The following OR52E6 variants were observed in gnomAD, a reference collection of about 807,000 sequenced individuals.
OR52E6 encodes olfactory receptor 52E6.
For synonymous variants in OR52E6, 173 were observed against 137.3 expected, an observed-to-expected ratio of 1.26 and a Z score of -1.82; for missense variants, 419 against 381.5, an observed-to-expected ratio of 1.10 and a Z score of -0.82.
rs1459196727 is a variant in OR52E6 at position 5,841,807 on chromosome 11, A to C, written c.91T>G (p.Phe31Val). The C allele has an allele frequency of 2.5e-6, 4 of 1,613,802 alleles. No individual in the cohort carries two copies. The highest frequency in any genetic ancestry group is 2.2e-5 in the East Asian group (1 of 44,874). Residue 31 changes from phenylalanine (F) to valine (V), a missense_variant, in exon 1 of 1, where the codon TTC (phenylalanine) becomes GTC (valine). By Grantham distance (50) the Phe-to-Val change is conservative. Coordinates refer to ENST00000329322, the MANE Select transcript of OR52E6 (RefSeq NM_001005167.2). The part of the protein sequence containing the change: ...GLEDVHIWIG[F>V]PFFSVYLIAL... ...ATAAGATACACAGAGAAAAAAGGGA[A>C]TCCAATCCAGATGTGCACATCTTCT...
In OR52E6 at chr11:5,841,754, G is replaced by C. The variant is rs10769272; in HGVS notation, c.144C>G (p.Phe48Leu). Reference sequence around the variant, plus strand: ...GACTCTGCTCAGTTTGGATCACAAAGAAGATAGCAGCATTTCCCAGGAGTG... The same window carrying C: ...GACTCTGCTCAGTTTGGATCACAAACAAGATAGCAGCATTTCCCAGGAGTG... ...LIALLGNAAI[F>L]FVIQTEQSLH... The change falls in exon 1 of 1, where the codon TTC becomes TTG. Residue 48 changes from phenylalanine to leucine, a missense_variant. By Grantham distance (22) the Phe-to-Leu change is conservative. Transcript: ENST00000329322. 0.35 allele frequency: 569,621 copies of C among 1,611,002 alleles called. 101,855 individuals carry two copies. Among genetic ancestry groups the C allele is most frequent in the East Asian group, 0.47 (20,925 of 44,822 alleles).
In OR52E6 at chr11:5,841,281, G is replaced by A. The variant is rs1846608002; in HGVS notation, c.617C>T (p.Ser206Phe). The A allele has an allele frequency of 6.2e-7, 1 of 1,614,070 alleles. No individual in the cohort carries two copies. The highest frequency in any genetic ancestry group is 8.5e-7 in the Non-Finnish European group (1 of 1,180,022). ...VNIMFGLGSISLLLLDVLLII... is the reference protein window; with the variant it reads ...VNIMFGLGSIFLLLLDVLLII... The stretch of plus-strand genomic sequence containing the variant: ...AAGGAGCACATCCAATAACAAGAGA[G>A]AAATACTGCCAAGACCAAACATAAT... Residue 206 changes from serine to phenylalanine, a missense_variant, in exon 1 of 1, where the codon TCT (serine) becomes TTT (phenylalanine). Transcript: ENST00000329322.
Position 5,841,408 on chromosome 11 carries a change from G to A in OR52E6, c.490C>T (p.Leu164Phe). ...CCACAGAAGGGCAACCTTAAGAGGA[G>A]AAACACCAGTGGAATGACCATGTAC... is the stretch of plus-strand genomic sequence containing the variant. ...SLYMVIPLVF[L>F]LLRLPFCGHR... The change falls in exon 1 of 1, where the codon CTC (leucine) becomes TTC (phenylalanine). Residue 164 changes from leucine (L) to phenylalanine (F), a missense_variant. Leu to Phe is a conservative substitution (Grantham distance 22). Coordinates refer to ENST00000329322, the MANE Select transcript of OR52E6 (RefSeq NM_001005167.2). 6.2e-7 allele frequency: 1 copy of A among 1,614,206 alleles called. No homozygotes were observed. Among genetic ancestry groups the A allele is most frequent in the South Asian group, 1.1e-5 (1 of 91,088 alleles).
At position 5,841,493 on chromosome 11, in the gene OR52E6, G is replaced by A; in HGVS notation, c.405C>T (p.Thr135=). The change falls in exon 1 of 1, where the codon ACC becomes ACT. Residue 135 remains threonine, a synonymous_variant. Transcript: ENST00000329322. The part of the protein sequence containing the change: ...YIAICKPLWY[T]MILTSKIISL... ...TGATGATTTTGCTGGTGAGGATCAT[G>A]GTGTACCAAAGAGGTTTGCAAATGG... The A allele has an allele frequency of 6.2e-7, 1 of 1,614,106 alleles. No individual in the cohort carries two copies. Among genetic ancestry groups the A allele is most frequent in the East Asian group, 2.2e-5 (1 of 44,868 alleles).
chr11:5,841,055 A>T lies in OR52E6; in HGVS notation c.843T>A (p.Tyr281Ter), dbSNP rs749614301. ...GATTGAGGGTGGGAGGAACAACCAC[A>T]TATAGATTAGCCAAGAAAATGTGGA... ...QYIHIFLANL[Y>*]VVVPPTLNPV... Residue 281 changes from tyrosine (Y) to a stop codon, truncating the protein, a stop_gained, in exon 1 of 1, where the codon TAT becomes TAA. Coordinates refer to ENST00000329322, the MANE Select transcript of OR52E6 (RefSeq NM_001005167.2). LOFTEE classifies it low-confidence loss of function (END_TRUNC). The T allele has an allele frequency of 6.2e-7, 1 of 1,613,950 alleles. No individual in the cohort carries two copies. The highest frequency in any genetic ancestry group is 1.7e-5 in the Admixed American group (1 of 59,996).
rs368058371 is a variant in OR52E6 at position 5,841,605 on chromosome 11, C to A, written c.293G>T (p.Gly98Val). The change falls in exon 1 of 1, where the codon GGC (glycine) becomes GTC (valine). Residue 98 changes from glycine to valine, a missense_variant. Physicochemically the swap from Gly to Val is moderately radical, Grantham distance 109. Transcript: ENST00000329322. ...WFNIKEISFG[G>V]YLSQMFFIHF... ...GATGAAGAACATCTGAGAAAGGTAGCCTCCAAAAGATATTTCCTTGATATT... is the reference window on the plus strand; with the variant it reads ...GATGAAGAACATCTGAGAAAGGTAGACTCCAAAAGATATTTCCTTGATATT... 6.8e-6 allele frequency: 11 copies of A among 1,614,124 alleles called. 1 individual carries two copies. Among genetic ancestry groups the A allele is most frequent in the South Asian group, 6.6e-5 (6 of 91,086 alleles).
chr11:5,841,357 A>C lies in OR52E6; in HGVS notation c.541T>G (p.Cys181Gly). 1 of 1,614,170 alleles carries C rather than the reference A, an allele frequency of 6.2e-7. No homozygotes were observed. The highest frequency in any genetic ancestry group is 1.3e-5 in the African/African-American group (1 of 75,060). The change falls in exon 1 of 1, where the codon TGT (cysteine) becomes GGT (glycine). Residue 181 changes from cysteine to glycine, a missense_variant. Physicochemically the swap from Cys to Gly is radical, Grantham distance 159 (BLOSUM62 -3). Transcript: ENST00000329322. ...AGACGGGCAATGCCCATGTGCTCAC[A>C]GTAAGTATGAGGGATGATACGATGT... ...CGHRIIPHTY[C>G]EHMGIARLAC...
Position 5,841,148 on chromosome 11 carries a change from T to TGGTG in OR52E6, c.749_750insCACC (p.Leu250PhefsTer20). 6.2e-7 allele frequency: 1 copy of TGGTG among 1,613,732 alleles called. No homozygotes were observed. The highest frequency in any genetic ancestry group is 8.5e-7 in the Non-Finnish European group (1 of 1,179,874). The stretch of plus-strand genomic sequence containing the variant: ...AGAAAAATGCTGGTGTAGAAAAGGC[T>TGGTG]AAGATAACACCAATGTGAGAGCCAC... On this transcript the variant is annotated frameshift_variant, in exon 1 of 1. Coordinates refer to ENST00000329322, the MANE Select transcript of OR52E6 (RefSeq NM_001005167.2). LOFTEE classifies it low-confidence loss of function (END_TRUNC).
chr11:5,841,731 C>T lies in OR52E6; in HGVS notation c.167G>A (p.Ser56Asn), dbSNP rs755224921. 22 of 1,613,786 alleles carry T rather than the reference C, an allele frequency of 1.4e-5. 1 individual carries two copies. The South Asian group carries it at 2.3e-4, about 17-fold the overall frequency. The change falls in exon 1 of 1, where the codon AGT (serine) becomes AAT (asparagine). Residue 56 changes from serine to asparagine, a missense_variant. Ser to Asn is a conservative substitution (Grantham distance 46, BLOSUM62 1). Transcript: ENST00000329322. Reference protein sequence around the residue: ...AIFFVIQTEQSLHEPMYYCLA... With the variant: ...AIFFVIQTEQNLHEPMYYCLA... ...GCAGTAGTACATGGGCTCATGGAGA[C>T]TCTGCTCAGTTTGGATCACAAAGAA... is the stretch of plus-strand genomic sequence containing the variant.
At position 5,841,840 on chromosome 11, in the gene OR52E6, G is replaced by T. The variant is rs747793517; in HGVS notation, c.58C>A (p.Pro20Thr). ...CAGATGTGCACATCTTCTAGCCCTG[G>T]GATACCCAGCAGTAGGAATGAAGAA... ...HTSSFLLLGI[P>T]GLEDVHIWIG... Residue 20 changes from proline to threonine, a missense_variant, in exon 1 of 1, where the codon CCA (proline) becomes ACA (threonine). By Grantham distance (38) the Pro-to-Thr change is conservative. Coordinates refer to ENST00000329322, the MANE Select transcript of OR52E6 (RefSeq NM_001005167.2). The T allele has an allele frequency of 1.5e-5, 24 of 1,613,610 alleles. No individual in the cohort carries two copies. The East Asian group carries it at 4.9e-4, about 33-fold the overall frequency.
Position 5,841,071 on chromosome 11 carries a change from A to T in OR52E6, c.827T>A (p.Phe276Tyr), listed in dbSNP as rs537730998. ...AACAACCACATATAGATTAGCCAAG[A>T]AAATGTGGATATATTGGGGAATATC... ...GHDIPQYIHI[F>Y]LANLYVVVPP... Residue 276 changes from phenylalanine to tyrosine, a missense_variant, in exon 1 of 1, where the codon TTC becomes TAC. Phe to Tyr is a conservative substitution (Grantham distance 22). Transcript: ENST00000329322. The T allele has an allele frequency of 6.2e-7, 1 of 1,613,956 alleles. No homozygotes were observed. Among genetic ancestry groups the T allele is most frequent in the African/African-American group, 1.3e-5 (1 of 75,042 alleles).
rs1438526879 is a variant in OR52E6, at chr11:5,840,992, C to A, written c.906G>T (p.Glu302Asp). The change falls in exon 1 of 1, where the codon GAG becomes GAT. Residue 302 changes from glutamate to aspartate, a missense_variant. Physicochemically the swap from Glu to Asp is conservative, Grantham distance 45. Transcript: ENST00000329322. ...TCTTGAAGAAAATCCTCAGCACTGTCTCCCTAATATGTTTGGTTCTGACCC... is the reference window on the plus strand; with the variant it reads ...TCTTGAAGAAAATCCTCAGCACTGTATCCCTAATATGTTTGGTTCTGACCC... ...IYGVRTKHIR[E>D]TVLRIFFKTD... The A allele has an allele frequency of 6.3e-7, 1 of 1,589,692 alleles. No homozygotes were observed. Among genetic ancestry groups the A allele is most frequent in the Non-Finnish European group, 8.6e-7 (1 of 1,169,048 alleles).
chr11:5,841,710 T>G lies in OR52E6; in HGVS notation c.188A>C (p.Tyr63Ser), dbSNP rs750320064. The change falls in exon 1 of 1, where the codon TAC becomes TCC. Residue 63 changes from tyrosine to serine, a missense_variant. By Grantham distance (144) the Tyr-to-Ser change is moderately radical (BLOSUM62 -2). Transcript: ENST00000329322. ...TEQSLHEPMYYCLAMLDSIDL... is the reference protein window; with the variant it reads ...TEQSLHEPMYSCLAMLDSIDL... ...AATGGAATCCAACATGGCCAGGCAGTAGTACATGGGCTCATGGAGACTCTG... is the reference window on the plus strand; with the variant it reads ...AATGGAATCCAACATGGCCAGGCAGGAGTACATGGGCTCATGGAGACTCTG... 11 of 1,613,484 alleles carry G rather than the reference T, an allele frequency of 6.8e-6. No homozygotes were observed. The highest frequency in any genetic ancestry group is 2.7e-5 in the African/African-American group (2 of 74,886).
rs779296611 is a variant in OR52E6, at chr11:5,841,159, C to G, written c.739G>C (p.Gly247Arg). The G allele has an allele frequency of 1.2e-6, 2 of 1,613,460 alleles. No homozygotes were observed. Among genetic ancestry groups the G allele is most frequent in the East Asian group, 2.2e-5 (1 of 44,820 alleles). The change falls in exon 1 of 1, where the codon GGT becomes CGT. Residue 247 changes from glycine to arginine, a missense_variant. Coordinates refer to ENST00000329322, the MANE Select transcript of OR52E6 (RefSeq NM_001005167.2). The stretch of plus-strand genomic sequence containing the variant: ...GGTGTAGAAAAGGCTAAGATAACAC[C>G]AATGTGAGAGCCACAGGTGTTGAGA... ...KALNTCGSHIGVILAFSTPAF... is the reference protein window; with the variant it reads ...KALNTCGSHIRVILAFSTPAF...
In OR52E6 at chr11:5,841,073, A is replaced by T; in HGVS notation, c.825T>A (p.Ile275=). The change falls in exon 1 of 1, where the codon ATT becomes ATA. Residue 275 remains isoleucine (I), a synonymous_variant. Transcript: ENST00000329322. The part of the protein sequence containing the change: ...FGHDIPQYIH[I]FLANLYVVVP... ...CAACCACATATAGATTAGCCAAGAA[A>T]ATGTGGATATATTGGGGAATATCAT... 6.2e-7 allele frequency: 1 copy of T among 1,614,000 alleles called. No individual in the cohort carries two copies. The highest frequency in any genetic ancestry group is 1.6e-4 in the Middle Eastern group (1 of 6,062).
In OR52E6 at chr11:5,841,550, T is replaced by C. The variant is rs4362172; in HGVS notation, c.348A>G (p.Val116=). ...AGCGGTCAAAGGCCATGGCCACCAA[T>C]ACGATGCTCTCCATGACAGTGAAGA... The part of the protein sequence containing the change: ...IHFFTVMESI[V]LVAMAFDRYI... The change falls in exon 1 of 1, where the codon GTA becomes GTG. Residue 116 remains valine, a synonymous_variant. Transcript: ENST00000329322. 571,044 of 1,613,756 alleles carry C rather than the reference T, an allele frequency of 0.35. 101,932 individuals carry two copies. Among genetic ancestry groups the C allele is most frequent in the East Asian group, 0.47 (20,925 of 44,834 alleles).
Position 5,841,150 on chromosome 11 carries a change from A to C in OR52E6, c.748T>G (p.Leu250Val). ...NTCGSHIGVI[L>V]AFSTPAFFSF... ...AAAAATGCTGGTGTAGAAAAGGCTA[A>C]GATAACACCAATGTGAGAGCCACAG... is the stretch of plus-strand genomic sequence containing the variant. The change falls in exon 1 of 1, where the codon TTA becomes GTA. Residue 250 changes from leucine (L) to valine (V), a missense_variant. Leu to Val is a conservative substitution (Grantham distance 32). Transcript: ENST00000329322. 6.2e-7 allele frequency: 1 copy of C among 1,613,752 alleles called. No individual in the cohort carries two copies. Among genetic ancestry groups the C allele is most frequent in the Non-Finnish European group, 8.5e-7 (1 of 1,179,856 alleles).
rs1326047121 is a variant in OR52E6 at position 5,841,820 on chromosome 11, G to A, written c.78C>T (p.His26=). Residue 26 remains histidine (H), a synonymous_variant, in exon 1 of 1, where the codon CAC becomes CAT. Coordinates refer to ENST00000329322, the MANE Select transcript of OR52E6 (RefSeq NM_001005167.2). ...LLGIPGLEDV[H]IWIGFPFFSV... is the part of the protein sequence containing the mutation. Reference sequence around the variant, plus strand: ...AGAAAAAAGGGAATCCAATCCAGATGTGCACATCTTCTAGCCCTGGGATAC... The same window carrying A: ...AGAAAAAAGGGAATCCAATCCAGATATGCACATCTTCTAGCCCTGGGATAC... 2.5e-6 allele frequency: 4 copies of A among 1,613,758 alleles called. No individual in the cohort carries two copies. Among genetic ancestry groups the A allele is most frequent in the African/African-American group, 1.3e-5 (1 of 74,904 alleles).
Position 5,841,646 on chromosome 11 carries a change from C to T in OR52E6, c.252G>A (p.Leu84=). ...SLSTATIPKM[L]GIFWFNIKEI... ...CCTTGATATTGAACCAGAAGATGCC[C>T]AGCATTTTGGGAATGGTGGCCGTAG... The change falls in exon 1 of 1, where the codon CTG becomes CTA. Residue 84 remains leucine, a synonymous_variant. Transcript: ENST00000329322. The T allele has an allele frequency of 1.9e-6, 3 of 1,614,022 alleles. No homozygotes were observed. Among genetic ancestry groups the T allele is most frequent in the Non-Finnish European group, 2.5e-6 (3 of 1,179,944 alleles).
Sources: allele counts gnomAD v4.1 joint callset, GRCh38; gene constraint gnomAD v4.1.1; transcripts MANE v1.5; gene names NCBI Gene and HGNC (gene_info 2026-07-23, HGNC 2026-07-21).